The following CACNA1B variants were observed in gnomAD, a reference collection of about 807,000 sequenced individuals.
CACNA1B encodes the protein calcium voltage-gated channel subunit alpha1 B.
In CACNA1B, 70 loss-of-function variants were observed where a neutral mutation model predicts 247.2. The ratio of observed to expected loss-of-function variants is 0.28; its 90% CI spans 0.23 to 0.35. CACNA1B has a LOEUF of 0.35. Among genes scored for constraint, CACNA1B ranks in the 10% least tolerant of loss-of-function variants. The probability of loss-of-function intolerance (pLI) is 1.00; values close to 1 mark genes in which losing one functional copy is unlikely to be tolerated. For synonymous variants in CACNA1B, 1,231 were observed against 1,294.4 expected (o/e 0.95, Z 1.05); for missense variants, 2,367 against 3,197.4 (o/e 0.74, Z 6.26).
At chr9:137,908,541 A>AC (rs958220866) in intron 3 of CACNA1B, among the ~76,000 whole-genome samples, 5 of 152,142 alleles carry the variant, frequency 3.3e-5, no homozygotes, top group South Asian at 2.1e-4. Flanking sequence ...AAACAAACAA[A>AC]AAAAACCTTT....
chr9:137,985,911 GGT>G (rs1958354954), intron 13 of CACNA1B, among the ~76,000 whole-genome samples: 1 of 152,252 alleles, frequency 6.6e-6, no homozygotes, highest in Non-Finnish European at 1.5e-5. Flanking sequence ...CCTTGTCCCT[GGT>G]GAGGGGGCAC....
At chr9:138,067,562 G>T (rs764764484) in intron 31 of CACNA1B, among the ~76,000 whole-genome samples, 2 of 152,244 alleles carry the variant, frequency 1.3e-5, no homozygotes, top group Non-Finnish European at 2.9e-5. Context: ...AGCCAGGCAT[G>T]ATGGCGCACG....
At chr9:137,926,416 G>A (rs957007869) in intron 6 of CACNA1B, among the ~76,000 whole-genome samples, 11 of 152,114 alleles carry the variant, frequency 7.2e-5, no homozygotes, top group African/African-American at 2.4e-4. Context: ...ATGACATTTT[G>A]CTTATCCATT....
chr9:138,077,515 G>A (rs185961451), intron 35 of CACNA1B, among the ~76,000 whole-genome samples: 16 of 152,316 alleles, frequency 1.1e-4, no homozygotes, highest in South Asian at 4.1e-4. Context: ...GCAAGTCATC[G>A]GAGGGTTTTG....
chr9:137,947,258 A>G (rs1441220536), intron 6 of CACNA1B, among the ~76,000 whole-genome samples: 1 of 152,146 alleles, frequency 6.6e-6, no homozygotes, highest in Non-Finnish European at 1.5e-5. Context: ...GAGGTGACCA[A>G]TCAGAGGTAC....
chr9:137,958,952 A>T (rs899592357), intron 10 of CACNA1B, among the ~76,000 whole-genome samples: 1 of 152,108 alleles, frequency 6.6e-6, no homozygotes, highest in African/African-American at 2.4e-5. Context: ...CTCTTCCCAT[A>T]TGCTATACAG....
intron 10 of CACNA1B, among the ~76,000 whole-genome samples, chr9:137,969,765 C>T (rs1958123330): frequency 6.6e-6 from 1 of 152,190 alleles, no homozygotes; most frequent in African/African-American, 2.4e-5. Flanking sequence ...TGTGTTCCTG[C>T]ACAACTGTGT....
chr9:137,910,653 G>T (rs1957349432), intron 3 of CACNA1B, among the ~76,000 whole-genome samples: 1 of 152,156 alleles, frequency 6.6e-6, no homozygotes, highest in South Asian at 2.1e-4. Context: ...ATTCTCATAA[G>T]GAGCGTGCAA....
chr9:137,947,487 C>A (rs1328025884), intron 6 of CACNA1B, among the ~76,000 whole-genome samples: 1 of 152,164 alleles, frequency 6.6e-6, no homozygotes, highest in African/African-American at 2.4e-5. Flanking sequence ...ATTTAAAAAA[C>A]TCAAAAGGAG....
rs1957254770 is a variant in CACNA1B at position 137,902,853 on chromosome 9, C to T, written c.531-10327C>T. On this transcript the variant is annotated intron_variant, in intron 3 of 46. Transcript: ENST00000371372. ...GAGGGCCCCACGAGTGCTCACTGCA[C>T]ACAGATGTCTCAGCATCTGATGTCC... Among the ~76,000 whole-genome samples the T allele has an allele frequency of 2.6e-5, 4 of 152,234 alleles. No individual in the cohort carries two copies. In the South Asian group the frequency reaches 8.3e-4, roughly 32 times the overall value.
chr9:138,003,930 T>A (rs1182056259), intron 15 of CACNA1B, among the ~76,000 whole-genome samples: 1 of 152,106 alleles, frequency 6.6e-6, no homozygotes, highest in Non-Finnish European at 1.5e-5. Context: ...CCAGTGCTTT[T>A]AAGCCCTTTC....
intron 15 of CACNA1B, among the ~76,000 whole-genome samples, chr9:138,000,264 A>G (rs1958554767): frequency 6.6e-6 from 1 of 151,866 alleles, no homozygotes; most frequent in Non-Finnish European, 1.5e-5. Flanking sequence ...ACGCCCGGCT[A>G]ATTTTTTGTA....
At chr9:138,000,595 A>G (rs767007260) in intron 15 of CACNA1B, among the ~76,000 whole-genome samples, 3 of 152,184 alleles carry the variant, frequency 2.0e-5, no homozygotes, top group African/African-American at 7.2e-5. Context: ...AATAATAACT[A>G]TTTGACTCAA....
intron 39 of CACNA1B, among the ~76,000 whole-genome samples, chr9:138,111,114 G>A (rs938746915): frequency 2.0e-5 from 3 of 152,202 alleles, no homozygotes; most frequent in African/African-American, 7.2e-5. Context: ...AAAGAAAATG[G>A]TGCAGCCCCT....
At chr9:137,961,145 A>AT (rs1036345636) in intron 10 of CACNA1B, among the ~76,000 whole-genome samples, 12 of 151,682 alleles carry the variant, frequency 7.9e-5, no homozygotes, top group Middle Eastern at 3.2e-3. Flanking sequence ...TTTTATTTTT[A>AT]TTTTTTTGTG....
chr9:138,117,365 A>G (rs1189754397), intron 42 of CACNA1B, among the ~76,000 whole-genome samples: 1 of 152,138 alleles, frequency 6.6e-6, no homozygotes, highest in East Asian at 1.9e-4. Context: ...GGAAGCCCAA[A>G]GAGTCCCGGG....
At chr9:137,879,592 G>A (rs567517405) in intron 2 of CACNA1B, among the ~76,000 whole-genome samples, 6 of 152,396 alleles carry the variant, frequency 3.9e-5, no homozygotes, top group South Asian at 2.1e-4. Flanking sequence ...CATCCTCCAA[G>A]TTGTCTTGTG....
At chr9:137,977,912 G>A (rs555212661) in intron 12 of CACNA1B, among the ~76,000 whole-genome samples, 16 of 148,080 alleles carry the variant, frequency 1.1e-4, no homozygotes, top group South Asian at 6.6e-4. Context: ...CACTACCCCC[G>A]CAGGAAGGAG....
chr9:137,928,167 G>T (rs1564193750), intron 6 of CACNA1B, among the ~76,000 whole-genome samples: 1 of 151,970 alleles, frequency 6.6e-6, no homozygotes, highest in South Asian at 2.1e-4. Flanking sequence ...TTGTGATCTT[G>T]GCTCACTGCA....
Sources: allele counts gnomAD v4.1 joint callset (sites outside exome capture counted in the v4.1 genomes callset), GRCh38; gene constraint gnomAD v4.1.1; transcripts MANE v1.5; gene names NCBI Gene and HGNC (gene_info 2026-07-23, HGNC 2026-07-21).